The following PCDH9 variants were observed in gnomAD, a reference collection of about 807,000 sequenced individuals.
PCDH9 encodes protocadherin-9.
A neutral mutation model predicts 70.6 loss-of-function variants in PCDH9; 24 were observed. That is an observed-to-expected ratio of 0.34 (90% CI 0.25 to 0.48). The LOEUF is 0.48. PCDH9 is among the 20% of genes least tolerant of loss of function. The pLI is 0.99. For missense variants in PCDH9, 1,281 were observed against 1,503.6 expected, an observed-to-expected ratio of 0.85 and a Z score of 2.45; for synonymous variants, 562 against 558.5, an observed-to-expected ratio of 1.01 and a Z score of -0.09.
intron 4 of PCDH9, among the ~76,000 whole-genome samples, chr13:66,520,211 T>C (rs1402263493): frequency 6.6e-6 from 1 of 152,192 alleles, no homozygotes; most frequent in Non-Finnish European, 1.5e-5. Context: ...GATAGTACTA[T>C]GGTAATAAAA....
chr13:67,016,115 G>A (rs1209953814), intron 2 of PCDH9, among the ~76,000 whole-genome samples: 1 of 152,108 alleles, frequency 6.6e-6, no homozygotes, highest in Non-Finnish European at 1.5e-5. Flanking sequence ...TTTATTAAAA[G>A]TTAGAGCCTG....
At chr13:66,954,441 T>C (rs1323917) in intron 2 of PCDH9, among the ~76,000 whole-genome samples, 39,208 of 152,118 alleles carry the variant, frequency 0.26, 6,669 homozygotes, top group African/African-American at 0.48. Context: ...ACTTACTGCA[T>C]GGACTCCTAC....
intron 3 of PCDH9, among the ~76,000 whole-genome samples, chr13:66,800,428 C>G (rs1236247804): frequency 6.6e-6 from 1 of 152,046 alleles, no homozygotes; most frequent in African/African-American, 2.4e-5. Flanking sequence ...TTTTTTATCA[C>G]TACCTGAAAA....
intron 3 of PCDH9, among the ~76,000 whole-genome samples, chr13:66,702,619 T>C (rs2078661660): frequency 6.6e-6 from 1 of 152,188 alleles, no homozygotes; most frequent in South Asian, 2.1e-4. Context: ...GGTAACTATG[T>C]GAGGTCACGG....
chr13:66,690,491 C>T (rs913997011), intron 3 of PCDH9, among the ~76,000 whole-genome samples: 1 of 152,072 alleles, frequency 6.6e-6, no homozygotes, highest in South Asian at 2.1e-4. Flanking sequence ...CCATCTTCTG[C>T]TCTCAAGAAG....
chr13:66,417,938 T>A (rs926502802), intron 4 of PCDH9, among the ~76,000 whole-genome samples: 1 of 152,230 alleles, frequency 6.6e-6, no homozygotes, highest in Non-Finnish European at 1.5e-5. Context: ...TGCAAAAATT[T>A]TCTCCCACTC....
chr13:66,639,974 A>G (rs2077687354), intron 3 of PCDH9, among the ~76,000 whole-genome samples: 1 of 152,130 alleles, frequency 6.6e-6, no homozygotes, highest in Non-Finnish European at 1.5e-5. Context: ...TCTATTAATG[A>G]TATGTACAGA....
chr13:66,609,954 C>CTTTTTTTTTTT (rs11333407), intron 4 of PCDH9, among the ~76,000 whole-genome samples: 30 of 117,132 alleles, frequency 2.6e-4, no homozygotes, highest in African/African-American at 9.2e-4. Flanking sequence ...GCATTTCCTT[C>CTTTTTTTTTTT]TTTTTTTTTT....
intron 3 of PCDH9, among the ~76,000 whole-genome samples, chr13:66,777,331 G>C (rs2139288876): frequency 6.7e-6 from 1 of 150,280 alleles, no homozygotes; most frequent in South Asian, 2.1e-4. Flanking sequence ...ACTACCATCA[G>C]AGTGAACAGG....
At chr13:66,682,891 T>A (rs1370768911) in intron 3 of PCDH9, among the ~76,000 whole-genome samples, 1 of 152,110 alleles carries the variant, frequency 6.6e-6, no homozygotes, top group Non-Finnish European at 1.5e-5. Context: ...GGCAAACATC[T>A]CAGGTGCAGG....
chr13:66,642,909 C>T (rs2077726872), intron 3 of PCDH9, among the ~76,000 whole-genome samples: 1 of 151,982 alleles, frequency 6.6e-6, no homozygotes, highest in Middle Eastern at 3.4e-3. Context: ...AAATAAAGAT[C>T]AGTCTCAATT....
At chr13:66,808,978 T>C (rs9599147) in intron 3 of PCDH9, among the ~76,000 whole-genome samples, 51,861 of 151,778 alleles carry the variant, frequency 0.34, 9,786 homozygotes, top group Non-Finnish European at 0.43. Context: ...GACGGAGTCT[T>C]GCTCTGTCAC....
chr13:66,556,010 TGAAA>T (rs1961725369), intron 4 of PCDH9, among the ~76,000 whole-genome samples: 1 of 148,722 alleles, frequency 6.7e-6, no homozygotes, highest in Non-Finnish European at 1.5e-5. Flanking sequence ...TTATTTCTAC[TGAAA>T]GACAGAGAAC....
At chr13:66,979,394 G>A (rs1480429871) in intron 2 of PCDH9, among the ~76,000 whole-genome samples, 1 of 152,082 alleles carries the variant, frequency 6.6e-6, no homozygotes, top group Non-Finnish European at 1.5e-5. Flanking sequence ...ACATGGTTCT[G>A]AATCTATTGT....
At chr13:67,178,937 C>G (rs1208154664) in intron 2 of PCDH9, among the ~76,000 whole-genome samples, 2 of 152,010 alleles carry the variant, frequency 1.3e-5, no homozygotes, top group Non-Finnish European at 2.9e-5. Flanking sequence ...CCTATACTTA[C>G]CAAAAATAAA....
chr13:66,386,516 A>G (rs1956933142), intron 4 of PCDH9, among the ~76,000 whole-genome samples: 1 of 152,158 alleles, frequency 6.6e-6, no homozygotes, highest in Non-Finnish European at 1.5e-5. Flanking sequence ...TTTTAAAACA[A>G]TGATTTATTT....
intron 3 of PCDH9, among the ~76,000 whole-genome samples, chr13:66,747,695 A>G (rs1403364559): frequency 6.6e-6 from 1 of 152,198 alleles, no homozygotes; most frequent in African/African-American, 2.4e-5. Context: ...TCAAAAAATA[A>G]AATATTCTCA....
chr13:67,018,599 C>T (rs1289147293), intron 2 of PCDH9, among the ~76,000 whole-genome samples: 1 of 127,082 alleles, frequency 7.9e-6, no homozygotes, highest in Non-Finnish European at 1.6e-5. Flanking sequence ...AGCCTGGCAA[C>T]AGAGCGAGAC....
chr13:66,970,741 C>A (rs747795103), intron 2 of PCDH9, among the ~76,000 whole-genome samples: 2 of 151,590 alleles, frequency 1.3e-5, no homozygotes, highest in Non-Finnish European at 1.5e-5. Context: ...TGAGACTGAT[C>A]CTAACATTTT....
Sources: allele counts gnomAD v4.1 joint callset (sites outside exome capture counted in the v4.1 genomes callset), GRCh38; gene constraint gnomAD v4.1.1; transcripts MANE v1.5; gene names NCBI Gene and HGNC (gene_info 2026-07-23, HGNC 2026-07-21).